Variants in SEMA3A observed in about 807,000 individuals in gnomAD.
SEMA3A encodes semaphorin-3A.
In SEMA3A, 29 loss-of-function variants were observed where a neutral mutation model predicts 97.9. The ratio of observed to expected loss-of-function variants is 0.30; its 90% confidence interval spans 0.22 to 0.40. SEMA3A has a LOEUF of 0.40. Ranked by LOEUF, SEMA3A falls within the 10% of genes least tolerant of loss-of-function variation. SEMA3A has a pLI of 1.00. For missense variants in SEMA3A, 763 were observed against 951.3 expected (o/e 0.80, Z 2.60); for synonymous variants, 321 against 323.7 (o/e 0.99, Z 0.09).
chr7:84,226,817 G>C (rs142928995), intron 3 of SEMA3A, among the ~76,000 whole-genome samples: 1 of 152,098 alleles, frequency 6.6e-6, no homozygotes, highest in East Asian at 1.9e-4. Context: ...TAGTAGAAAT[G>C]ACATATTATT....
At chr7:84,055,575 C>T (rs1453419475) in intron 5 of SEMA3A, among the ~76,000 whole-genome samples, 2 of 152,166 alleles carry the variant, frequency 1.3e-5, no homozygotes, top group East Asian at 1.9e-4. Context: ...GTGCACGGTG[C>T]GCGCACCCAC....
At chr7:84,165,115 G>A (rs1225399787) in intron 1 of SEMA3A, among the ~76,000 whole-genome samples, 1 of 152,132 alleles carries the variant, frequency 6.6e-6, no homozygotes, top group Non-Finnish European at 1.5e-5. Context: ...GGCTGAAGTG[G>A]CAGAACAGCT....
chr7:84,247,510 T>G (rs1303225004), intron 3 of SEMA3A, among the ~76,000 whole-genome samples: 1 of 152,162 alleles, frequency 6.6e-6, no homozygotes, highest in African/African-American at 2.4e-5. Flanking sequence ...ATTAAAATTT[T>G]AAAGAAAATA....
chr7:84,001,100 A>G (rs560100010), intron 12 of SEMA3A, among the ~76,000 whole-genome samples: 133 of 152,026 alleles, frequency 8.7e-4, no homozygotes, highest in African/African-American at 3.0e-3. Flanking sequence ...AAATATCTCA[A>G]TAGATGTTTG....
intron 2 of SEMA3A, among the ~76,000 whole-genome samples, chr7:84,313,012 A>G (rs1049995430): frequency 7.0e-6 from 1 of 142,224 alleles, no homozygotes; most frequent in Non-Finnish European, 1.5e-5. Flanking sequence ...GTGTATGTAT[A>G]TTATATATGT....
intron 1 of SEMA3A, among the ~76,000 whole-genome samples, chr7:84,424,916 T>TATATATATTTATATTTATATAA (rs1804746983): frequency 3.1e-5 from 1 of 32,772 alleles, no homozygotes; most frequent in Non-Finnish European, 4.1e-5. Flanking sequence ...CATAAATATA[T>TATATATATTTATATTTATATAA]ATATATATTT....
At chr7:84,326,205 G>A (rs964163293) in intron 2 of SEMA3A, among the ~76,000 whole-genome samples, 1 of 152,122 alleles carries the variant, frequency 6.6e-6, no homozygotes, top group Non-Finnish European at 1.5e-5. Flanking sequence ...ATAATTTAGA[G>A]AGCTTTTACA....
chr7:84,066,919 T>C (rs1269531890), intron 4 of SEMA3A, among the ~76,000 whole-genome samples: 1 of 152,160 alleles, frequency 6.6e-6, no homozygotes, highest in Non-Finnish European at 1.5e-5. Flanking sequence ...TGGAAAAAAC[T>C]GCTTTAAAGT....
chr7:84,211,868 G>A (rs1457952890), intron 3 of SEMA3A, among the ~76,000 whole-genome samples: 1 of 152,222 alleles, frequency 6.6e-6, no homozygotes, highest in Non-Finnish European at 1.5e-5. Context: ...CAAGATCAAT[G>A]TAAAGACAAA....
At chr7:84,433,255 T>C (rs1805036081) in intron 1 of SEMA3A, among the ~76,000 whole-genome samples, 1 of 142,134 alleles carries the variant, frequency 7.0e-6, no homozygotes, top group Admixed American at 7.2e-5. Context: ...GGCCCCAGTG[T>C]GTGATGTTCC....
chr7:84,409,302 C>T (rs1040497358), intron 1 of SEMA3A, among the ~76,000 whole-genome samples: 1 of 151,264 alleles, frequency 6.6e-6, no homozygotes, highest in African/African-American at 2.4e-5. Flanking sequence ...ACATGTACCC[C>T]ATAAATATAT....
chr7:84,239,617 A>G (rs1799313547), intron 3 of SEMA3A, among the ~76,000 whole-genome samples: 1 of 152,164 alleles, frequency 6.6e-6, no homozygotes, highest in Non-Finnish European at 1.5e-5. Flanking sequence ...ATAGTTAGCA[A>G]TTTCTTTTTA....
At position 84,182,340 on chromosome 7, in the gene SEMA3A, A is replaced by G. The variant is rs547363363; in HGVS notation, c.112+12135T>C. On this transcript the variant is annotated intron_variant, in intron 1 of 16. Coordinates refer to ENST00000265362, the MANE Select transcript of SEMA3A (RefSeq NM_006080.3). ...GTTGTGTCTTCATGGACCAAGTCAT[A>G]ACAAAATAATATTCAAGGCAACCAT... Among the ~76,000 whole-genome samples, 6 of 152,288 alleles carry G rather than the reference A, an allele frequency of 3.9e-5. No homozygotes were observed. In the South Asian group the frequency reaches 1.2e-3, roughly 32 times the overall value.
chr7:84,235,670 C>T (rs561918925), intron 3 of SEMA3A, among the ~76,000 whole-genome samples: 3 of 152,084 alleles, frequency 2.0e-5, no homozygotes, highest in South Asian at 4.1e-4. Flanking sequence ...ATCTACTTTC[C>T]TCACTCCAAC....
intron 1 of SEMA3A, among the ~76,000 whole-genome samples, chr7:84,387,272 T>G (rs1803421721): frequency 6.6e-6 from 1 of 151,986 alleles, no homozygotes; most frequent in Non-Finnish European, 1.5e-5. Flanking sequence ...CTTTTACCAC[T>G]GCAATAAATA....
chr7:84,451,866 T>C (rs1805564081), intron 1 of SEMA3A, among the ~76,000 whole-genome samples: 2 of 152,168 alleles, frequency 1.3e-5, no homozygotes, highest in Non-Finnish European at 2.9e-5. Flanking sequence ...GAAGTTGGAA[T>C]CCAGTATTTT....
intron 1 of SEMA3A, among the ~76,000 whole-genome samples, chr7:84,165,321 A>C (rs972425935): frequency 6.6e-6 from 1 of 152,212 alleles, no homozygotes; most frequent in Admixed American, 6.5e-5. Flanking sequence ...AATATTTTGA[A>C]AGAAATTTGG....
chr7:84,165,909 C>G (rs1797191530), intron 1 of SEMA3A, among the ~76,000 whole-genome samples: 2 of 152,022 alleles, frequency 1.3e-5, no homozygotes, highest in Non-Finnish European at 2.9e-5. Flanking sequence ...TGTATTTACA[C>G]TAAACATGAG....
At chr7:84,207,635 C>T (rs749995715) in intron 3 of SEMA3A, among the ~76,000 whole-genome samples, 1 of 152,056 alleles carries the variant, frequency 6.6e-6, no homozygotes. Context: ...AATTTCATTA[C>T]GTATAGGTTT....
Sources: allele counts gnomAD v4.1 joint callset (sites outside exome capture counted in the v4.1 genomes callset), GRCh38; gene constraint gnomAD v4.1.1; transcripts MANE v1.5; gene names NCBI Gene and HGNC (gene_info 2026-07-23, HGNC 2026-07-21).